The following NOCT variants were observed in gnomAD, a reference collection of about 807,000 sequenced individuals.
The protein encoded by NOCT is nocturnin.
Under a neutral mutation model 35.0 loss-of-function variants are expected in NOCT, and 18 were observed. The observed-to-expected ratio is 0.51, with a 90% CI of 0.36 to 0.76. The LOEUF is 0.76. NOCT is among the 30% of genes least tolerant of loss of function. NOCT has a pLI of 0.01. For synonymous variants in NOCT, 235 were observed against 226.3 expected (o/e 1.04, Z -0.34); for missense variants, 479 against 541.0 (o/e 0.89, Z 1.14).
chr4:139,035,439 A>G (rs1052024843), intron 1 of NOCT, among the ~76,000 whole-genome samples: 13 of 152,110 alleles, frequency 8.5e-5, no homozygotes, highest in African/African-American at 3.1e-4. Flanking sequence ...CCCAGCCTCA[A>G]GGCTCCTTTT....
intron 1 of NOCT, among the ~76,000 whole-genome samples, chr4:139,025,863 A>T (rs1726503947): frequency 6.6e-6 from 1 of 152,074 alleles, no homozygotes; most frequent in African/African-American, 2.4e-5. Flanking sequence ...TAGGAAGGAG[A>T]GAAAGTAAAT....
intron 1 of NOCT, among the ~76,000 whole-genome samples, chr4:139,041,689 C>G (rs1726834496): frequency 6.6e-6 from 1 of 152,134 alleles, no homozygotes; most frequent in Non-Finnish European, 1.5e-5. Context: ...CTTTGTCTTT[C>G]TAGGATCCCA....
intron 1 of NOCT, among the ~76,000 whole-genome samples, chr4:139,025,255 C>G (rs13129945): frequency 1.3e-5 from 2 of 152,306 alleles, no homozygotes; most frequent in East Asian, 3.9e-4. Flanking sequence ...TGCCACCGTT[C>G]ACTTTCATTC....
At chr4:139,032,512 T>TA (rs1266937131) in intron 1 of NOCT, among the ~76,000 whole-genome samples, 1 of 151,938 alleles carries the variant, frequency 6.6e-6, no homozygotes, top group Non-Finnish European at 1.5e-5. Flanking sequence ...AAAAATTTAA[T>TA]AAAAAAATAA....
In NOCT at chr4:139,045,357, TCTG is replaced by T; in HGVS notation, c.1182_1184del (p.Leu395del). 6.2e-7 allele frequency: 1 copy of T among 1,614,104 alleles called. No individual in the cohort carries two copies. Among genetic ancestry groups the T allele is most frequent in the Non-Finnish European group, 8.5e-7 (1 of 1,179,970 alleles). On this transcript the variant is annotated inframe_deletion, in exon 3 of 3. Transcript: ENST00000280614. ...CTCTAAATGTAAGGTCAGCTCTCGA[TCTG>T]CTCACTGAAGAACAGATTGGACCCA...
At chr4:139,039,847 C>T (rs1347777181) in intron 1 of NOCT, among the ~76,000 whole-genome samples, 1 of 152,076 alleles carries the variant, frequency 6.6e-6, no homozygotes, top group Admixed American at 6.6e-5. Context: ...CCTGCCTCAC[C>T]CTCGCGAGTA....
chr4:139,034,386 A>G (rs1032388612), intron 1 of NOCT, among the ~76,000 whole-genome samples: 1 of 152,232 alleles, frequency 6.6e-6, no homozygotes, highest in African/African-American at 2.4e-5. Flanking sequence ...GAGAAGAGAA[A>G]GGTGCCCCTC....
chr4:139,017,525 C>G (rs530723901), intron 1 of NOCT, among the ~76,000 whole-genome samples: 4 of 150,216 alleles, frequency 2.7e-5, no homozygotes, highest in African/African-American at 7.3e-5. Context: ...ACCGCCCCCC[C>G]GGCCTATAAA....
rs540988141 is a variant in NOCT, at chr4:139,045,537, G to A, written c.*63G>A. 75 of 439,216 alleles carry A rather than the reference G, an allele frequency of 1.7e-4. No individual in the cohort carries two copies. Among genetic ancestry groups the A allele is most frequent in the South Asian group, 1.5e-3 (69 of 45,256 alleles). 27.2% of individuals were successfully genotyped at this position (439,216 alleles called of 1,614,324 possible). A position where few individuals can be genotyped will look rare whatever the true frequency, so the allele number is the denominator to read the frequency against. On this transcript the variant is annotated 3_prime_UTR_variant, in exon 3 of 3. Coordinates refer to ENST00000280614, the MANE Select transcript of NOCT (RefSeq NM_012118.4). ...TTTTTTTTTTTTTTTTTTTTTTTGA[G>A]ACAGAGTCTCGCTCTGTTGCCTAGG... is the stretch of plus-strand genomic sequence containing the variant.
intron 1 of NOCT, among the ~76,000 whole-genome samples, chr4:139,034,897 T>C (rs1726701803): frequency 6.6e-6 from 1 of 152,192 alleles, no homozygotes; most frequent in South Asian, 2.1e-4. Context: ...TCATTTCATG[T>C]TGTTTTTGCA....
rs1284290729 is a variant in NOCT at position 139,045,699 on chromosome 4, GTAGAGACGGGGTT to G, written c.*227_*239del. 4.8e-6 allele frequency: 2 copies of G among 417,082 alleles called. No individual in the cohort carries two copies. The highest frequency in any genetic ancestry group is 8.5e-6 in the Non-Finnish European group (2 of 236,634). The allele number at this position is 417,082 out of a possible 1,614,324, so 25.8% of individuals were successfully genotyped here. On this transcript the variant is annotated 3_prime_UTR_variant, in exon 3 of 3. Transcript: ENST00000280614. ...GCCCAGCTAATTTTTTGTATTTTTA[GTAGAGACGGGGTT>G]TCACCGTGTTAGCCAGGATGGTCTC...
intron 1 of NOCT, among the ~76,000 whole-genome samples, chr4:139,036,012 G>T (rs1324841100): frequency 6.6e-6 from 1 of 152,042 alleles, no homozygotes; most frequent in African/African-American, 2.4e-5. Flanking sequence ...TCCAATAATA[G>T]CTCCCTGCCC....
At chr4:139,031,050 G>A (rs138910054) in intron 1 of NOCT, among the ~76,000 whole-genome samples, 210 of 152,230 alleles carry the variant, frequency 1.4e-3, no homozygotes, top group African/African-American at 4.7e-3. Flanking sequence ...GTAATTAGAC[G>A]CTGAATGGTT....
rs879424914 is a variant in NOCT, at chr4:139,045,671, C to T, written c.*197C>T. 50 of 470,394 alleles carry T rather than the reference C, an allele frequency of 1.1e-4. No homozygotes were observed. Among genetic ancestry groups the T allele is most frequent in the Non-Finnish European group, 1.6e-4 (42 of 269,378 alleles). The allele number at this position is 470,394 out of a possible 1,614,324, so 29.1% of individuals were successfully genotyped here. ...AACTGGGACAACAGGCGCCCGTCAC[C>T]ACGCCCAGCTAATTTTTTGTATTTT... On this transcript the variant is annotated 3_prime_UTR_variant, in exon 3 of 3. Coordinates refer to ENST00000280614, the MANE Select transcript of NOCT (RefSeq NM_012118.4).
At chr4:139,028,741 T>C (rs1317419309) in intron 1 of NOCT, among the ~76,000 whole-genome samples, 1 of 152,204 alleles carries the variant, frequency 6.6e-6, no homozygotes, top group Non-Finnish European at 1.5e-5. Context: ...GAGAAAGCTG[T>C]GCAGATACCC....
In NOCT at chr4:139,036,420, G is replaced by T. The variant is rs907942017; in HGVS notation, c.191-6654G>T. On this transcript the variant is annotated intron_variant, in intron 1 of 2. Transcript: ENST00000280614. The stretch of plus-strand genomic sequence containing the variant: ...CCAACTCAAAGATTTGACAAAAAAT[G>T]AATGAACAGTCGTATGTGTCTGTGG... Among the ~76,000 whole-genome samples, 10 of 152,270 alleles carry T rather than the reference G, an allele frequency of 6.6e-5. 1 individual carries two copies. Among genetic ancestry groups the T allele is most frequent in the East Asian group, 3.9e-4 (2 of 5,178 alleles).
rs761849220 is a variant in NOCT, at chr4:139,037,905, A to G, written c.191-5169A>G. 1.0e-3 allele frequency among the ~76,000 whole-genome samples: 140 copies of G among 135,612 alleles called. 2 individuals carry two copies. Among genetic ancestry groups the G allele is most frequent in the Middle Eastern group, 4.0e-3 (1 of 250 alleles). The allele number at this position is 135,612 out of a possible 152,430, so 89.0% of individuals were successfully genotyped here. On this transcript the variant is annotated intron_variant, in intron 1 of 2. Coordinates refer to ENST00000280614, the MANE Select transcript of NOCT (RefSeq NM_012118.4). The stretch of plus-strand genomic sequence containing the variant: ...CTTACAAAAAACAGGCCCTTTGGGG[A>G]AAAAAAAAAAAAAGGCTGGATGTGG...
chr4:139,016,982 TGGA>T (rs1726323484), intron 1 of NOCT, among the ~76,000 whole-genome samples: 1 of 150,102 alleles, frequency 6.7e-6, no homozygotes, highest in Non-Finnish European at 1.5e-5. Context: ...TTTTTTTTTT[TGGA>T]GGCTTCCACT....
intron 1 of NOCT, among the ~76,000 whole-genome samples, chr4:139,020,561 A>C (rs897347491): frequency 1.3e-5 from 2 of 152,196 alleles, no homozygotes; most frequent in African/African-American, 4.8e-5. Flanking sequence ...CATTTGGGAC[A>C]GTTGTTAAAA....
Sources: allele counts gnomAD v4.1 joint callset (sites outside exome capture counted in the v4.1 genomes callset), GRCh38; gene constraint gnomAD v4.1.1; transcripts MANE v1.5; gene names NCBI Gene and HGNC (gene_info 2026-07-23, HGNC 2026-07-21).